The following ETFB variants were observed in gnomAD, a reference collection of about 807,000 sequenced individuals.
ETFB encodes the protein beta-ETF.
In ETFB, 20 loss-of-function variants were observed where a neutral mutation model predicts 25.6. The ratio of observed to expected loss-of-function variants is 0.78; its 90% CI spans 0.55 to 1.14. The LOEUF (loss-of-function observed/expected upper bound fraction) is 1.14, where lower values mean the gene tolerates loss of function less well. Ranked by LOEUF, ETFB falls within the 50% of genes most tolerant of loss-of-function variation. The probability of loss-of-function intolerance (pLI) is 0.00; values close to 1 mark genes in which losing one functional copy is unlikely to be tolerated. For synonymous variants in ETFB, 142 were observed against 146.7 expected (o/e 0.97, Z 0.23); for missense variants, 286 against 342.6 (o/e 0.83, Z 1.30).
intron 1 of ETFB, chr19:51,356,626 A>T (rs529647173): frequency 6.6e-6 from 1 of 152,264 alleles, no homozygotes; most frequent in African/African-American, 2.4e-5. Flanking sequence ...GGACACCATC[A>T]TGTGCCAGGG....
chr19:51,347,225 G>A (rs567546418), intron 4 of ETFB, 167 bp from the exon 5 acceptor site: 5 of 698,228 alleles, frequency 7.2e-6, no homozygotes, highest in African/African-American at 7.0e-5. Flanking sequence ...ACCTGGGAGA[G>A]GGTCTTTTTC....
chr19:51,352,234 T>G (rs1985948413), intron 3 of ETFB, among the ~76,000 whole-genome samples: 1 of 152,148 alleles, frequency 6.6e-6, no homozygotes, highest in Admixed American at 6.5e-5. Context: ...GGGCTCTTTC[T>G]GCACCTAGTG....
intron 1 of ETFB, chr19:51,355,039 A>G (rs1485789990): frequency 9.5e-6 from 2 of 209,442 alleles, no homozygotes; most frequent in Non-Finnish European, 2.0e-5. Flanking sequence ...TTATGCAGAT[A>G]GCTTTACAGA....
At position 51,345,315 on chromosome 19, in the gene ETFB, G is replaced by T; in HGVS notation, c.664C>A (p.Leu222Ile). 6.2e-7 allele frequency: 1 copy of T among 1,614,142 alleles called. No homozygotes were observed. Reference protein sequence around the residue: ...GDLGVDLTSKLSVISVEDPPQ... With the variant: ...GDLGVDLTSKISVISVEDPPQ... ...GGGTCCTCCACACTGATCACAGAGA[G>T]CTTGGAGGTCAGGTCCACACCCAGG... is the stretch of plus-strand genomic sequence containing the variant. The change falls in exon 6 of 6, where the codon CTC (leucine) becomes ATC (isoleucine). Residue 222 changes from leucine to isoleucine, a missense_variant. Coordinates refer to ENST00000309244, the MANE Select transcript of ETFB (RefSeq NM_001985.3).
chr19:51,345,597 C>A, intron 5 of ETFB: 1 of 601,760 alleles, frequency 1.7e-6, no homozygotes, highest in Non-Finnish European at 3.0e-6. Flanking sequence ...ACTACTGCAG[C>A]AGTCCTCCTT....
intron 1 of ETFB, chr19:51,355,835 C>T (rs1211917428): frequency 6.6e-6 from 1 of 150,554 alleles, no homozygotes; most frequent in East Asian, 2.0e-4. Flanking sequence ...AGCAAACTAT[C>T]GCAAGGACAG....
chr19:51,354,763 T>G (rs1475512481), intron 1 of ETFB: 3 of 1,126,364 alleles, frequency 2.7e-6, no homozygotes, highest in Non-Finnish European at 1.3e-6. Flanking sequence ...GCAGCCTGCC[T>G]GAAAAATCAC....
chr19:51,358,275 T>C (rs1238906968), intron 1 of ETFB, among the ~76,000 whole-genome samples: 2 of 152,130 alleles, frequency 1.3e-5, no homozygotes, highest in Non-Finnish European at 2.9e-5. Flanking sequence ...GGTGTAACTG[T>C]TCCTCCCACA....
At chr19:51,360,837 G>T (rs1337340369) in intron 1 of ETFB, among the ~76,000 whole-genome samples, 2 of 152,012 alleles carry the variant, frequency 1.3e-5, no homozygotes, top group African/African-American at 4.8e-5. Flanking sequence ...CCAGGCTGGG[G>T]TGCAGTAGTA....
chr19:51,359,444 A>G (rs1986166122), intron 1 of ETFB, among the ~76,000 whole-genome samples: 1 of 151,816 alleles, frequency 6.6e-6, no homozygotes, highest in South Asian at 2.1e-4. Context: ...AGAGGCCCCA[A>G]GCTTCTTGCT....
At chr19:51,355,105 G>A (rs1345328943) in intron 1 of ETFB, 1 of 167,898 alleles carries the variant, frequency 6.0e-6, no homozygotes, top group Non-Finnish European at 1.3e-5. Flanking sequence ...AGCTTTTGGT[G>A]TCTTTTGCTG....
intron 2 of ETFB, 97 bp from the exon 3 acceptor site, chr19:51,353,387 G>T (rs3889313): frequency 3.2e-6 from 2 of 617,510 alleles, no homozygotes; most frequent in Admixed American, 2.6e-5. Context: ...GGAGTCCAGG[G>T]CCCCATCCCC....
chr19:51,347,977 G>C (rs1387259060), intron 4 of ETFB: 1 of 152,264 alleles, frequency 6.6e-6, no homozygotes, highest in Non-Finnish European at 1.5e-5. Flanking sequence ...CGTTGGAGAA[G>C]CTAGTCAGAC....
chr19:51,353,033 C>T (rs1203985753), intron 3 of ETFB, 99 bp downstream of exon 3: 20 of 1,471,330 alleles, frequency 1.4e-5, no homozygotes, highest in Non-Finnish European at 1.4e-5. Context: ...GTGGTGAATG[C>T]CCTGGGCCTG....
chr19:51,354,962 G>T, intron 1 of ETFB: 1 of 336,384 alleles, frequency 3.0e-6, no homozygotes, highest in South Asian at 3.1e-5. Context: ...CACGGTTACA[G>T]AAACAAGAGA....
rs776658637 is a variant in ETFB, at chr19:51,345,360, C to G, written c.619G>C (p.Glu207Gln). The G allele has an allele frequency of 2.5e-6, 4 of 1,614,072 alleles. No homozygotes were observed. Among genetic ancestry groups the G allele is most frequent in the Non-Finnish European group, 1.7e-6 (2 of 1,180,008 alleles). ...CCCAGGTCCCCAGGCTTGATCACCTCGATCTTCTTCTTCTTGGCTTTCTGC... is the reference window on the plus strand; with the variant it reads ...CCCAGGTCCCCAGGCTTGATCACCTGGATCTTCTTCTTCTTGGCTTTCTGC... Reference protein sequence around the residue: ...NIMKAKKKKIEVIKPGDLGVD... With the variant: ...NIMKAKKKKIQVIKPGDLGVD... Residue 207 changes from glutamate to glutamine, a missense_variant, in exon 6 of 6, where the codon GAG becomes CAG. Transcript: ENST00000309244.
chr19:51,350,105 A>G, intron 4 of ETFB: 1 of 510,236 alleles, frequency 2.0e-6, no homozygotes, highest in Non-Finnish European at 3.6e-6. Flanking sequence ...CCTAGAGTTG[A>G]GCGGGTGGGC....
At chr19:51,361,346 T>C (rs4802790) in intron 1 of ETFB, among the ~76,000 whole-genome samples, 128,563 of 152,162 alleles carry the variant, frequency 0.84, 55,575 homozygotes, top group African/African-American at 0.95. Flanking sequence ...CCTGGGCACG[T>C]GCTAGGGCAC....
At chr19:51,361,606 G>A (rs994159958) in intron 1 of ETFB, 4 of 151,670 alleles carry the variant, frequency 2.6e-5, no homozygotes, top group Non-Finnish European at 4.4e-5. Context: ...ATGGAAACAC[G>A]TTTTCTGGGC....
Sources: gnomAD v4.1 joint callset for allele counts (sites outside exome capture counted in the v4.1 genomes callset) on GRCh38, gnomAD v4.1.1 for gene constraint, MANE v1.5 for transcripts, NCBI Gene and HGNC (gene_info 2026-07-23, HGNC 2026-07-21) for gene names.